The following CREB5 variants were observed in gnomAD, a reference collection of about 807,000 sequenced individuals.
CREB5 encodes the protein cyclic AMP-responsive element-binding protein 5.
CREB5 carries 19 observed loss-of-function variants against 57.1 expected under a neutral mutation model. The ratio of observed to expected loss-of-function variants is 0.33; its 90% CI spans 0.23 to 0.49. The LOEUF is 0.49. Ranked by LOEUF, CREB5 falls within the 20% of genes least tolerant of loss-of-function variation. CREB5 has a pLI of 0.99. For synonymous variants in CREB5, 238 were observed against 238.3 expected (o/e 1.00, Z 0.01); for missense variants, 579 against 671.6 (o/e 0.86, Z 1.52).
chr7:28,560,865 CCTGCGTGCGCGTGCGTGCGTGCGT>C (rs1795117755), intron 4 of CREB5, among the ~76,000 whole-genome samples: 1 of 14,814 alleles, frequency 6.8e-5, no homozygotes, highest in African/African-American at 3.1e-4. Context: ...TGTGCGTGTG[CCTGCGTGCGCGTGCGTGCGTGCGT>C]GTGTGTGCGT....
intron 7 of CREB5, among the ~76,000 whole-genome samples, chr7:28,730,220 A>G (rs1803538396): frequency 6.6e-6 from 1 of 152,100 alleles, no homozygotes; most frequent in Admixed American, 6.5e-5. Flanking sequence ...ATCCTGCTCT[A>G]TCAACCAGAC....
chr7:28,337,939 T>C lies in CREB5; in HGVS notation c.-25+38498T>C, dbSNP rs565508439. ...CTTATAATTCATTACTTTAAACTGA[T>C]GACAACTTAATAATGACTGCATAAA... On this transcript the variant is annotated intron_variant, in intron 1 of 9. Coordinates refer to the CREB5 transcript ENST00000396299. 4.6e-5 allele frequency among the ~76,000 whole-genome samples: 7 copies of C among 152,236 alleles called. No homozygotes were observed. In the South Asian group the frequency reaches 6.2e-4, roughly 14 times the overall value.
chr7:28,322,379 C>T (rs1235046945), intron 1 of CREB5, among the ~76,000 whole-genome samples: 5 of 152,002 alleles, frequency 3.3e-5, no homozygotes, highest in Non-Finnish European at 7.4e-5. Context: ...ATTTAGCAAG[C>T]TGAGATATTG....
intron 5 of CREB5, among the ~76,000 whole-genome samples, chr7:28,578,566 C>A (rs193300070): frequency 6.6e-6 from 1 of 152,106 alleles, no homozygotes; most frequent in Admixed American, 6.6e-5. Context: ...GGTGTCCCTG[C>A]GGGCATTTCA....
At chr7:28,670,838 A>C (rs1417643104) in intron 5 of CREB5, among the ~76,000 whole-genome samples, 1 of 152,142 alleles carries the variant, frequency 6.6e-6, no homozygotes, top group Non-Finnish European at 1.5e-5. Context: ...CATTTCTTTA[A>C]AACAATTTGT....
At chr7:28,538,708 TC>T in intron 4 of CREB5, among the ~76,000 whole-genome samples, 1 of 152,346 alleles carries the variant, frequency 6.6e-6, no homozygotes, top group East Asian at 1.9e-4. Flanking sequence ...CAGCCACTTT[TC>T]CTTTCTAATA....
intron 7 of CREB5, among the ~76,000 whole-genome samples, chr7:28,775,257 C>T (rs1008298115): frequency 5.9e-5 from 9 of 152,112 alleles, no homozygotes; most frequent in African/African-American, 2.2e-4. Flanking sequence ...GAAATTCTGA[C>T]TCTTTTAGGC....
At chr7:28,424,305 C>T (rs1425886766) in intron 1 of CREB5, among the ~76,000 whole-genome samples, 1 of 152,160 alleles carries the variant, frequency 6.6e-6, no homozygotes, top group African/African-American at 2.4e-5. Context: ...ACCACTACAG[C>T]AGGTGTGTCC....
chr7:28,680,292 G>A (rs1800522135), intron 5 of CREB5, among the ~76,000 whole-genome samples: 1 of 152,084 alleles, frequency 6.6e-6, no homozygotes, highest in African/African-American at 2.4e-5. Flanking sequence ...CCTCTTTCTT[G>A]GACATCATCA....
intron 7 of CREB5, among the ~76,000 whole-genome samples, chr7:28,734,531 T>A (rs1803864988): frequency 6.6e-6 from 1 of 152,148 alleles, no homozygotes; most frequent in Non-Finnish European, 1.5e-5. Flanking sequence ...ATTTAACTAT[T>A]TCCTCATTTC....
chr7:28,524,464 T>C (rs1793346287), intron 4 of CREB5, among the ~76,000 whole-genome samples: 1 of 152,010 alleles, frequency 6.6e-6, no homozygotes, highest in Non-Finnish European at 1.5e-5. Flanking sequence ...ATCGTGTCAC[T>C]GCACTCCAGC....
At chr7:28,597,208 T>C (rs1187369722) in intron 5 of CREB5, among the ~76,000 whole-genome samples, 1 of 152,144 alleles carries the variant, frequency 6.6e-6, no homozygotes, top group African/African-American at 2.4e-5. Context: ...AAGAGTTGGA[T>C]AAAAATGTGA....
chr7:28,739,385 GA>G (rs756572055), intron 7 of CREB5, among the ~76,000 whole-genome samples: 1 of 152,230 alleles, frequency 6.6e-6, no homozygotes, highest in Non-Finnish European at 1.5e-5. Context: ...TGAAAGGTGA[GA>G]GGGGAGGGGT....
chr7:28,433,843 G>T (rs944599651), intron 1 of CREB5, among the ~76,000 whole-genome samples: 14 of 151,532 alleles, frequency 9.2e-5, no homozygotes, highest in Non-Finnish European at 2.1e-4. Context: ...TGTAGCTTCA[G>T]TTATAATCTT....
chr7:28,560,877 TGCGTGCGTGCGTGTGTGTGCGTGC>T (rs1795130955), intron 4 of CREB5, among the ~76,000 whole-genome samples: 2 of 30,862 alleles, frequency 6.5e-5, no homozygotes, highest in Admixed American at 3.8e-4. Flanking sequence ...TGCGTGCGCG[TGCGTGCGTGCGTGTGTGTGCGTGC>T]GCGCGTGCGT....
chr7:28,785,881 A>G (rs775670589), intron 7 of CREB5, among the ~76,000 whole-genome samples: 13 of 152,206 alleles, frequency 8.5e-5, no homozygotes, highest in Non-Finnish European at 4.4e-5. Flanking sequence ...ACGGGATAGA[A>G]TCCAAAAATT....
intron 9 of CREB5, among the ~76,000 whole-genome samples, chr7:28,811,911 C>A (rs183838039): frequency 6.6e-6 from 1 of 152,318 alleles, no homozygotes; most frequent in Non-Finnish European, 1.5e-5. Flanking sequence ...GCCACCATCT[C>A]TGAGGTCTGC....
At chr7:28,481,230 A>G (rs1013324007) in intron 1 of CREB5, among the ~76,000 whole-genome samples, 1 of 152,192 alleles carries the variant, frequency 6.6e-6, no homozygotes, top group African/African-American at 2.4e-5. Flanking sequence ...GGAACTTCTG[A>G]CAGCCTCTAA....
intron 1 of CREB5, among the ~76,000 whole-genome samples, chr7:28,378,448 A>C (rs117582823): frequency 1.1e-3 from 174 of 151,308 alleles, no homozygotes; most frequent in African/African-American, 2.2e-3. Flanking sequence ...ATAAAAAAAA[A>C]CTCTTTTTAA....
Sources: allele counts gnomAD v4.1 joint callset (sites outside exome capture counted in the v4.1 genomes callset), GRCh38; gene constraint gnomAD v4.1.1; transcripts MANE v1.5; gene names NCBI Gene and HGNC (gene_info 2026-07-23, HGNC 2026-07-21).